ZFHX4: variants seen among roughly 807,000 people sequenced by gnomAD.
ZFHX4 encodes the protein zinc finger homeobox protein 4.
ZFHX4 carries 56 observed loss-of-function variants against 267.6 expected under a neutral mutation model. That is an observed-to-expected ratio of 0.21 (90% CI 0.17 to 0.26). The LOEUF (loss-of-function observed/expected upper bound fraction) is 0.26. Ranked by LOEUF, ZFHX4 falls within the 10% of genes least tolerant of loss-of-function variation. The pLI, the probability that ZFHX4 is intolerant of heterozygous loss-of-function variation, is 1.00. For synonymous variants in ZFHX4, 1,778 were observed against 1,665.6 expected (o/e 1.07, Z -1.64); for missense variants, 4,332 against 4,420.0 (o/e 0.98, Z 0.56).
At chr8:76,756,503 T>TG (rs1282111622) in intron 3 of ZFHX4, among the ~76,000 whole-genome samples, 1 of 152,198 alleles carries the variant, frequency 6.6e-6, no homozygotes, top group Non-Finnish European at 1.5e-5. Context: ...TTGTTGGCTG[T>TG]TAATGAAATT....
At chr8:76,691,259 G>A (rs1585850935) in intron 1 of ZFHX4, among the ~76,000 whole-genome samples, 1 of 152,058 alleles carries the variant, frequency 6.6e-6, no homozygotes, top group Admixed American at 6.5e-5. Context: ...TATTGTGACT[G>A]TTAAACATAT....
intron 3 of ZFHX4, among the ~76,000 whole-genome samples, chr8:76,752,487 C>CAAAAAAAACAAAAAAAAA (rs1809642666): frequency 1.4e-5 from 1 of 70,964 alleles, no homozygotes; most frequent in African/African-American, 4.4e-5. Flanking sequence ...ACCAAAAATC[C>CAAAAAAAACAAAAAAAAA]AAAAAAAAAA....
At chr8:76,688,148 A>G (rs1464086374) in intron 1 of ZFHX4, among the ~76,000 whole-genome samples, 2 of 152,196 alleles carry the variant, frequency 1.3e-5, no homozygotes, top group Non-Finnish European at 2.9e-5. Flanking sequence ...CTAGCCAAAT[A>G]TTGACTATTG....
chr8:76,681,501 AT>A lies in ZFHX4; in HGVS notation c.-158del, dbSNP rs564713856. On this transcript the variant is annotated 5_prime_UTR_variant, in exon 1 of 11. Transcript: ENST00000651372. ...CAATAAAGTTCGAGGATTATTTTTT[AT>A]TTTTTTTGTTTTTTTAATGAACCCT... is the stretch of plus-strand genomic sequence containing the variant. The A allele has an allele frequency of 2.0e-5, 8 of 396,432 alleles. No individual in the cohort carries two copies. Among genetic ancestry groups the A allele is most frequent in the Admixed American group, 1.8e-4 (4 of 22,496 alleles). The allele number at this position is 396,432 out of a possible 1,614,324, so 24.6% of individuals were successfully genotyped here.
intron 10 of ZFHX4, among the ~76,000 whole-genome samples, chr8:76,858,219 G>T (rs149303071): frequency 6.6e-6 from 1 of 152,218 alleles, no homozygotes; most frequent in African/African-American, 2.4e-5. Flanking sequence ...GAGGAAAAGA[G>T]ATGTTTATGA....
chr8:76,835,630 C>G (rs923590998), intron 5 of ZFHX4, among the ~76,000 whole-genome samples: 27 of 151,968 alleles, frequency 1.8e-4, no homozygotes, highest in Admixed American at 1.6e-3. Flanking sequence ...TTTTTAAAAT[C>G]TTATTTTCTC....
chr8:76,828,451 A>G (rs1320293127), intron 4 of ZFHX4, among the ~76,000 whole-genome samples: 1 of 152,210 alleles, frequency 6.6e-6, no homozygotes, highest in Non-Finnish European at 1.5e-5. Flanking sequence ...GAGCTTTGAT[A>G]TCTCATCTCT....
At chr8:76,800,872 C>A (rs1811101206) in intron 4 of ZFHX4, among the ~76,000 whole-genome samples, 1 of 152,134 alleles carries the variant, frequency 6.6e-6, no homozygotes, top group African/African-American at 2.4e-5. Context: ...GCTGTAACCC[C>A]CTCCACTTTT....
intron 8 of ZFHX4, 64 bp downstream of exon 8, chr8:76,849,776 C>T: frequency 2.7e-6 from 4 of 1,459,932 alleles, no homozygotes; most frequent in Admixed American, 3.7e-5. Context: ...AATATAAAAT[C>T]TGTAATTATT....
chr8:76,835,276 T>TA (rs1554572221), intron 5 of ZFHX4, among the ~76,000 whole-genome samples: 4 of 146,488 alleles, frequency 2.7e-5, no homozygotes, highest in Admixed American at 6.9e-5. Context: ...CATATATTTG[T>TA]TAAAAATGGC....
In ZFHX4 at chr8:76,851,639, T is replaced by C. The variant is rs1812524662; in HGVS notation, c.4718T>C (p.Leu1573Ser). ...VSHLHKLKKV[L>S]QEASSPVPQE... is the part of the protein sequence containing the mutation. ...CACTTGCATAAGCTGAAAAAAGTTT[T>C]GCAGGAAGCCTCCAGTCCTGTCCCA... is the stretch of plus-strand genomic sequence containing the variant. The change falls in exon 10 of 11, where the codon TTG (leucine) becomes TCG (serine). Residue 1573 changes from leucine (L) to serine (S), a missense_variant. Coordinates refer to ENST00000651372, the MANE Select transcript of ZFHX4 (RefSeq NM_024721.5). 1 of 1,613,842 alleles carries C rather than the reference T, an allele frequency of 6.2e-7. No homozygotes were observed. Among genetic ancestry groups the C allele is most frequent in the Non-Finnish European group, 8.5e-7 (1 of 1,179,834 alleles).
intron 1 of ZFHX4, among the ~76,000 whole-genome samples, chr8:76,691,925 T>A (rs1807834912): frequency 6.6e-6 from 1 of 152,040 alleles, no homozygotes; most frequent in Non-Finnish European, 1.5e-5. Context: ...GTTTCCCCTC[T>A]CTCCTACAAG....
chr8:76,858,951 C>T (rs1302966152), intron 10 of ZFHX4, among the ~76,000 whole-genome samples: 1 of 152,034 alleles, frequency 6.6e-6, no homozygotes, highest in Non-Finnish European at 1.5e-5. Context: ...AAAGTAGGTT[C>T]CAAGATTTTG....
intron 3 of ZFHX4, among the ~76,000 whole-genome samples, chr8:76,734,004 A>T (rs1420391220): frequency 6.6e-6 from 1 of 152,214 alleles, no homozygotes; most frequent in Non-Finnish European, 1.5e-5. Context: ...TGAAATGTTT[A>T]ATAAAGTACA....
At chr8:76,831,961 T>C (rs1051372717) in intron 4 of ZFHX4, among the ~76,000 whole-genome samples, 2 of 149,826 alleles carry the variant, frequency 1.3e-5, no homozygotes, top group Admixed American at 6.6e-5. Context: ...TGAGAATAAA[T>C]TTTTTCTTTC....
At position 76,801,484 on chromosome 8, in the gene ZFHX4, T is replaced by C. The variant is rs549683314; in HGVS notation, c.3325+23045T>C. On this transcript the variant is annotated intron_variant, in intron 4 of 10. Coordinates refer to ENST00000651372, the MANE Select transcript of ZFHX4 (RefSeq NM_024721.5). ...AGTCGTCCACAGAGTAATGCATCAT[T>C]CAGTTTATGACATCTAATAAAGGCC... Among the ~76,000 whole-genome samples the C allele has an allele frequency of 5.2e-4, 79 of 152,270 alleles. 1 individual carries two copies. Among genetic ancestry groups the C allele is most frequent in the African/African-American group, 1.8e-3 (76 of 41,568 alleles).
At position 76,735,345 on chromosome 8, in the gene ZFHX4, C is replaced by T. The variant is rs552249886; in HGVS notation, c.3093+27297C>T. ...TTTCAGAAAGTGTTACAAGAATATC[C>T]GGGAAGTAAACCCTTGCCTATAAAG... On this transcript the variant is annotated intron_variant, in intron 3 of 10. Transcript: ENST00000651372. Among the ~76,000 whole-genome samples, 32 of 151,988 alleles carry T rather than the reference C, an allele frequency of 2.1e-4. No individual in the cohort carries two copies. The Middle Eastern group carries it at 0.01, about 48-fold the overall frequency.
chr8:76,723,806 T>C (rs1808784891), intron 3 of ZFHX4, among the ~76,000 whole-genome samples: 2 of 152,076 alleles, frequency 1.3e-5, no homozygotes, highest in Admixed American at 1.3e-4. Context: ...GGAACATTTG[T>C]GTCGTCAGTA....
chr8:76,744,848 A>G (rs911630123), intron 3 of ZFHX4, among the ~76,000 whole-genome samples: 2 of 152,206 alleles, frequency 1.3e-5, no homozygotes, highest in Non-Finnish European at 2.9e-5. Flanking sequence ...TCTAGAACTG[A>G]ATAAGATTCA....
Sources: gnomAD v4.1 joint callset for allele counts (sites outside exome capture counted in the v4.1 genomes callset) on GRCh38, gnomAD v4.1.1 for gene constraint, MANE v1.5 for transcripts, NCBI Gene and HGNC (gene_info 2026-07-23, HGNC 2026-07-21) for gene names.